Variants in SUCLG2 observed in about 807,000 individuals in gnomAD.
The protein encoded by SUCLG2 is succinate--CoA ligase [GDP-forming] subunit beta, mitochondrial.
A neutral mutation model predicts 47.9 loss-of-function variants in SUCLG2; 42 were observed. The ratio of observed to expected loss-of-function variants is 0.88; its 90% CI spans 0.69 to 1.14. The LOEUF is 1.14. Ranked by LOEUF, SUCLG2 falls within the 50% of genes most tolerant of loss-of-function variation. The pLI is 0.00. For synonymous variants in SUCLG2, 195 were observed against 197.3 expected (o/e 0.99, Z 0.10); for missense variants, 571 against 525.9 (o/e 1.09, Z -0.84).
At chr3:67,439,022 CAAAA>C (rs1703692483) in intron 9 of SUCLG2, among the ~76,000 whole-genome samples, 1 of 152,186 alleles carries the variant, frequency 6.6e-6, no homozygotes, top group South Asian at 2.1e-4. Flanking sequence ...AGTAGCACAT[CAAAA>C]AGCTTTTCTA....
chr3:67,448,013 C>T (rs558891286), intron 9 of SUCLG2, among the ~76,000 whole-genome samples: 35 of 152,208 alleles, frequency 2.3e-4, no homozygotes, highest in Admixed American at 4.6e-4. Context: ...ACAAGCATGA[C>T]CCACCGCACC....
Position 67,375,694 on chromosome 3 carries a change from C to CT in SUCLG2, c.*49dup. 1 of 1,563,674 alleles carries CT rather than the reference C, an allele frequency of 6.4e-7. No individual in the cohort carries two copies. ...TTTCTTTCACAATGATGAACCATCCCTTTTTACGGAAAAATGGCTTTCTTT... is the reference window on the plus strand; with the variant it reads ...TTTCTTTCACAATGATGAACCATCCCTTTTTTACGGAAAAATGGCTTTCTTT... On this transcript the variant is annotated 3_prime_UTR_variant, in exon 11 of 11. Coordinates refer to ENST00000307227, the MANE Select transcript of SUCLG2 (RefSeq NM_003848.4).
At chr3:67,415,879 G>A (rs11710800) in intron 9 of SUCLG2, among the ~76,000 whole-genome samples, 49,468 of 152,094 alleles carry the variant, frequency 0.33, 8,284 homozygotes, top group South Asian at 0.42. Flanking sequence ...GACAGTGTGC[G>A]ACTTTTGAGA....
intron 9 of SUCLG2, among the ~76,000 whole-genome samples, chr3:67,411,880 G>C (rs905176561): frequency 4.6e-5 from 7 of 152,084 alleles, no homozygotes; most frequent in African/African-American, 1.4e-4. Context: ...AATAATGCAA[G>C]AAAGTTACAC....
rs141750902 is a variant in SUCLG2, at chr3:67,553,006, T to C, written c.227-23820A>G. ...CACTAATCACATAATTTAGAAATTA[T>C]TGTCATCAATTAATTGTTAAAAACA... On this transcript the variant is annotated intron_variant, in intron 2 of 10. Coordinates refer to ENST00000307227, the MANE Select transcript of SUCLG2 (RefSeq NM_003848.4). 1.4e-4 allele frequency among the ~76,000 whole-genome samples: 22 copies of C among 152,356 alleles called. No individual in the cohort carries two copies. In the East Asian group the frequency reaches 2.9e-3, roughly 20 times the overall value.
chr3:67,600,485 A>C (rs577954034), intron 2 of SUCLG2, among the ~76,000 whole-genome samples: 100 of 152,320 alleles, frequency 6.6e-4, no homozygotes, highest in African/African-American at 2.3e-3. Context: ...GGTTTAGGGT[A>C]ATCAGTCAAA....
chr3:67,596,990 A>C (rs1047598185), intron 2 of SUCLG2, among the ~76,000 whole-genome samples: 16 of 152,328 alleles, frequency 1.1e-4, no homozygotes, highest in African/African-American at 3.8e-4. Context: ...ATGTAAACAG[A>C]ACAAAAAGCC....
intron 4 of SUCLG2, among the ~76,000 whole-genome samples, chr3:67,524,489 T>C (rs1367714639): frequency 6.6e-6 from 1 of 152,208 alleles, no homozygotes; most frequent in Non-Finnish European, 1.5e-5. Context: ...CTGGACCGCA[T>C]GATGAGTAGC....
chr3:67,378,852 C>T (rs1702090913), intron 10 of SUCLG2, among the ~76,000 whole-genome samples: 2 of 152,310 alleles, frequency 1.3e-5, no homozygotes, highest in Admixed American at 6.5e-5. Context: ...CTAATCAAAG[C>T]ATGGCTTTCA....
intron 1 of SUCLG2, among the ~76,000 whole-genome samples, chr3:67,644,587 A>G (rs974936106): frequency 1.3e-5 from 2 of 152,162 alleles, no homozygotes; most frequent in Non-Finnish European, 2.9e-5. Context: ...ATATGAATAT[A>G]TAACAATGTC....
chr3:67,408,596 G>A (rs911407468), intron 9 of SUCLG2: 15 of 990,768 alleles, frequency 1.5e-5, no homozygotes, highest in Non-Finnish European at 1.8e-5. Context: ...GCAGTCAGGG[G>A]AACCTAGGGA....
At chr3:67,381,317 C>T (rs1020105606) in intron 10 of SUCLG2, among the ~76,000 whole-genome samples, 1 of 152,184 alleles carries the variant, frequency 6.6e-6, no homozygotes, top group African/African-American at 2.4e-5. Context: ...TGAGTTTCTG[C>T]ATTCCTTTTT....
chr3:67,420,944 T>C (rs1218289483), intron 9 of SUCLG2, among the ~76,000 whole-genome samples: 3 of 152,220 alleles, frequency 2.0e-5, no homozygotes, highest in Non-Finnish European at 4.4e-5. Context: ...TCAATAACCA[T>C]AACTCAGATA....
chr3:67,368,026 T>C lies in SUCLG2; in HGVS notation c.1184-7258A>G, dbSNP rs17046340. 4.3e-3 allele frequency among the ~76,000 whole-genome samples: 658 copies of C among 152,340 alleles called. 15 individuals carry two copies. In the East Asian group the frequency reaches 0.054, roughly 12 times the overall value. On this transcript the variant is annotated intron_variant, in intron 10 of 10. Transcript: ENST00000493112. ...TGGCTACACGATATTCCACTGTTTA[T>C]ACACAATATTATTTATTCCATTTAC...
intron 2 of SUCLG2, among the ~76,000 whole-genome samples, chr3:67,592,316 G>A (rs1410948285): frequency 1.3e-5 from 2 of 152,122 alleles, no homozygotes; most frequent in Non-Finnish European, 2.9e-5. Flanking sequence ...ACATTCAAGG[G>A]TGCAAGGAAA....
rs1705403337 is a variant in SUCLG2, at chr3:67,498,250, A to G, written c.803T>C (p.Phe268Ser). ...CATAGCAAATATGTCTTTTTGTCGG[A>G]ATTCTGCGTTGTCATCAAAGTTTAT... Reference protein sequence around the residue: ...AKINFDDNAEFRQKDIFAMDD... With the variant: ...AKINFDDNAESRQKDIFAMDD... The change falls in exon 8 of 11, where the codon TTC becomes TCC. Residue 268 changes from phenylalanine to serine, a missense_variant. Transcript: ENST00000307227. 1.9e-6 allele frequency: 3 copies of G among 1,613,866 alleles called. No individual in the cohort carries two copies. In the African/African-American group the frequency reaches 4.0e-5, roughly 22 times the overall value.
At chr3:67,578,930 G>A (rs960060158) in intron 2 of SUCLG2, among the ~76,000 whole-genome samples, 9 of 152,300 alleles carry the variant, frequency 5.9e-5, no homozygotes, top group African/African-American at 1.7e-4. Flanking sequence ...GGGTGACCTG[G>A]CACCAGTGTT....
intron 1 of SUCLG2, among the ~76,000 whole-genome samples, chr3:67,633,624 G>A (rs1481668426): frequency 6.6e-6 from 1 of 152,170 alleles, no homozygotes; most frequent in Non-Finnish European, 1.5e-5. Context: ...TGTAGTAAAT[G>A]CCAGTTAAAG....
At chr3:67,462,498 A>G (rs1374463694) in intron 9 of SUCLG2, among the ~76,000 whole-genome samples, 1 of 152,170 alleles carries the variant, frequency 6.6e-6, no homozygotes, top group Non-Finnish European at 1.5e-5. Context: ...GTCCAAGAGG[A>G]TGGCGTTCAG....
Sources: gnomAD v4.1 joint callset for allele counts (sites outside exome capture counted in the v4.1 genomes callset) on GRCh38, gnomAD v4.1.1 for gene constraint, MANE v1.5 for transcripts, NCBI Gene and HGNC (gene_info 2026-07-23, HGNC 2026-07-21) for gene names.